POF1B: variants seen among roughly 807,000 people sequenced by gnomAD.
POF1B encodes the protein protein POF1B.
A neutral mutation model predicts 55.3 loss-of-function variants in POF1B; 53 were observed. That is an observed-to-expected ratio of 0.96 (90% CI 0.77 to 1.20). The LOEUF (loss-of-function observed/expected upper bound fraction) is 1.20. Among genes scored for constraint, POF1B ranks in the 50% most tolerant of loss-of-function variants. POF1B has a pLI of 0.00. For synonymous variants in POF1B, 188 were observed against 148.3 expected, an observed-to-expected ratio of 1.27 and a Z score of -1.95; for missense variants, 478 against 420.5, an observed-to-expected ratio of 1.14 and a Z score of -1.20.
intron 3 of POF1B, among the ~76,000 whole-genome samples, chrX:85,363,218 T>A (rs1029013443): frequency 7.2e-5 from 8 of 111,468 alleles, no homozygotes; most frequent in Non-Finnish European, 1.5e-4. Context: ...TGTAGATCTT[T>A]TGAATTTTTT....
At position 85,372,830 on chromosome X, in the gene POF1B, T is replaced by C. The variant is rs1933855511; in HGVS notation, c.283-5064A>G. Among the ~76,000 whole-genome samples, 7 of 106,100 alleles carry C rather than the reference T, an allele frequency of 6.6e-5. No individual in the cohort carries two copies. The South Asian group carries it at 3.0e-3, about 45-fold the overall frequency. 92.1% of individuals were successfully genotyped at this position (106,100 alleles called of 115,157 possible). A position where few individuals can be genotyped will look rare whatever the true frequency, so the allele number is the denominator to read the frequency against. ...CATGTGCAGAAAGGGCAGTTTTATA[T>C]ATAAGCTGTTTTCAGAGTTAAATCA... is the stretch of plus-strand genomic sequence containing the variant. On this transcript the variant is annotated intron_variant, in intron 2 of 16. Coordinates refer to ENST00000262753, the MANE Select transcript of POF1B (RefSeq NM_024921.4).
intron 7 of POF1B, among the ~76,000 whole-genome samples, chrX:85,321,600 A>T (rs1932838357): frequency 9.3e-6 from 1 of 108,067 alleles, no homozygotes; most frequent in African/African-American, 3.5e-5. Context: ...CAGGGCAATT[A>T]GGCAGGAGAA....
chrX:85,315,769 GA>G (rs1296332463), intron 7 of POF1B, 35 bp from the exon 8 acceptor site: 1 of 1,115,529 alleles, frequency 9.0e-7, no homozygotes, highest in South Asian at 2.2e-5. Context: ...ACAACTTTAG[GA>G]AAAGGTATTC....
intron 15 of POF1B, among the ~76,000 whole-genome samples, chrX:85,288,661 G>A (rs1932109315): frequency 9.0e-6 from 1 of 111,022 alleles, no homozygotes; most frequent in African/African-American, 3.3e-5. Flanking sequence ...CATGGGGGCT[G>A]GTCTTTCCCA....
rs183182085 is a variant in POF1B at position 85,373,489 on chromosome X, A to G, written c.282+5684T>C. On this transcript the variant is annotated intron_variant, in intron 2 of 16. Transcript: ENST00000262753. ...CATATACATGGAAGAGTTGTGAAAA[A>G]CAAAAAACCCATGTATTAATATGAA... 2.7e-5 allele frequency among the ~76,000 whole-genome samples: 3 copies of G among 111,888 alleles called. No individual in the cohort carries two copies. In the East Asian group the frequency reaches 8.4e-4, roughly 31 times the overall value.
chrX:85,379,045 C>T lies in POF1B; in HGVS notation c.282+128G>A. The T allele has an allele frequency of 6.5e-6, 5 of 766,067 alleles. No homozygotes were observed. The South Asian group carries it at 1.4e-4, about 21-fold the overall frequency. The allele number at this position is 766,067 out of a possible 1,213,427, so 63.1% of individuals were successfully genotyped here. ...CAAGAGATGAATTTGGGTGACTATCCAAGGCATATATAACTGCAATCCACC... is the reference window on the plus strand; with the variant it reads ...CAAGAGATGAATTTGGGTGACTATCTAAGGCATATATAACTGCAATCCACC... On this transcript the variant is annotated intron_variant, in intron 2 of 16. Transcript: ENST00000262753.
chrX:85,279,283 C>T lies in POF1B; in HGVS notation c.*138G>A. 1.7e-6 allele frequency: 1 copy of T among 581,366 alleles called. No individual in the cohort carries two copies. The highest frequency in any genetic ancestry group is 2.8e-6 in the Non-Finnish European group (1 of 363,529). The allele number at this position is 581,366 out of a possible 1,213,427, so 47.9% of individuals were successfully genotyped here. ...TGTCATCTACAGAACTAATTCATTCCATTAGATTTCTTGGGTAGCAGCATG... is the reference window on the plus strand; with the variant it reads ...TGTCATCTACAGAACTAATTCATTCTATTAGATTTCTTGGGTAGCAGCATG... On this transcript the variant is annotated 3_prime_UTR_variant, in exon 17 of 17. Coordinates refer to ENST00000262753, the MANE Select transcript of POF1B (RefSeq NM_024921.4).
intron 4 of POF1B, among the ~76,000 whole-genome samples, chrX:85,357,134 ATCTC>A (rs1267355891): frequency 9.0e-6 from 1 of 110,531 alleles, no homozygotes; most frequent in East Asian, 2.9e-4. Flanking sequence ...ATCCAGTGAG[ATCTC>A]TCTATTTTCC....
chrX:85,301,372 A>C (rs1048565469), intron 15 of POF1B, among the ~76,000 whole-genome samples: 1 of 112,131 alleles, frequency 8.9e-6, no homozygotes, highest in Non-Finnish European at 1.9e-5. Context: ...AAACACTGTC[A>C]GCTGAGAATT....
At position 85,373,447 on chromosome X, in the gene POF1B, G is replaced by A. The variant is rs750593307; in HGVS notation, c.283-5681C>T. ...TATCTAATTGTTGAGGTTCTATCAA[G>A]TTGTTTACTAGATAATCATATACAT... On this transcript the variant is annotated intron_variant, in intron 2 of 16. Coordinates refer to ENST00000262753, the MANE Select transcript of POF1B (RefSeq NM_024921.4). Among the ~76,000 whole-genome samples the A allele has an allele frequency of 5.4e-5, 6 of 111,473 alleles. No homozygotes were observed. In the South Asian group the frequency reaches 2.2e-3, roughly 41 times the overall value.
chrX:85,281,736 T>C (rs1931902448), intron 16 of POF1B, among the ~76,000 whole-genome samples: 1 of 107,925 alleles, frequency 9.3e-6, no homozygotes, highest in African/African-American at 3.3e-5. Context: ...ATATAATATA[T>C]ATATATATAA....
intron 2 of POF1B, among the ~76,000 whole-genome samples, chrX:85,377,343 CT>C (rs1933939911): frequency 8.9e-6 from 1 of 111,836 alleles, no homozygotes; most frequent in African/African-American, 3.2e-5. Context: ...TGACAGCTAT[CT>C]AAAAGCTGTC....
intron 3 of POF1B, among the ~76,000 whole-genome samples, chrX:85,366,753 T>A (rs1933731143): frequency 1.8e-5 from 2 of 111,318 alleles, no homozygotes; most frequent in Non-Finnish European, 3.8e-5. Flanking sequence ...AAATAGTGAT[T>A]GTGTCTAATT....
At chrX:85,354,439 G>A (rs1933447137) in intron 4 of POF1B, among the ~76,000 whole-genome samples, 1 of 110,495 alleles carries the variant, frequency 9.1e-6, no homozygotes, top group African/African-American at 3.3e-5. Flanking sequence ...CATCCTCTAA[G>A]AGAGGGAAAA....
At chrX:85,287,491 A>G (rs1932082979) in intron 15 of POF1B, among the ~76,000 whole-genome samples, 1 of 111,429 alleles carries the variant, frequency 9.0e-6, no homozygotes, top group Admixed American at 9.6e-5. Context: ...GGCAATTTAG[A>G]TGAAATGCAC....
chrX:85,327,987 G>A (rs2147922838), intron 7 of POF1B, among the ~76,000 whole-genome samples: 1 of 110,613 alleles, frequency 9.0e-6, no homozygotes, highest in African/African-American at 3.3e-5. Flanking sequence ...CATTTTGGAA[G>A]AATATGAAAA....
chrX:85,338,997 T>C (rs1933123188), intron 6 of POF1B, among the ~76,000 whole-genome samples: 1 of 107,660 alleles, frequency 9.3e-6, no homozygotes, highest in Non-Finnish European at 1.9e-5. Context: ...GTCAAGATTT[T>C]ATATCATGTT....
rs1933323102 is a variant in POF1B, at chrX:85,348,767, T to C, written c.540+2583A>G. Among the ~76,000 whole-genome samples the C allele has an allele frequency of 2.7e-5, 3 of 111,705 alleles. No homozygotes were observed. The Admixed American group carries it at 2.9e-4, about 11-fold the overall frequency. The stretch of plus-strand genomic sequence containing the variant: ...ACAGTAAATAGCAGCAGTATTCTCT[T>C]AAAGGAGCTAGTCTTTAGTTGTTCC... On this transcript the variant is annotated intron_variant, in intron 5 of 16. Transcript: ENST00000262753.
chrX:85,353,625 C>G (rs1219729700), intron 4 of POF1B, among the ~76,000 whole-genome samples: 1 of 110,882 alleles, frequency 9.0e-6, no homozygotes, highest in East Asian at 2.9e-4. Flanking sequence ...AAATAGCTCC[C>G]AAAGAGACTC....
Sources: gnomAD v4.1 joint callset for allele counts (sites outside exome capture counted in the v4.1 genomes callset) on GRCh38, gnomAD v4.1.1 for gene constraint, MANE v1.5 for transcripts, NCBI Gene and HGNC (gene_info 2026-07-23, HGNC 2026-07-21) for gene names.